The following YOD1 variants were observed in gnomAD, a reference collection of about 807,000 sequenced individuals.
YOD1 encodes the protein YOD1 deubiquitinase.
Under a neutral mutation model 23.7 loss-of-function variants are expected in YOD1, and 17 were observed. That is an observed-to-expected ratio of 0.72 (90% CI 0.49 to 1.07). The LOEUF (loss-of-function observed/expected upper bound fraction) is 1.07, where lower values mean the gene tolerates loss of function less well. Among genes scored for constraint, YOD1 ranks in the 50% least tolerant of loss-of-function variants. The probability of loss-of-function intolerance (pLI) is 0.00; values close to 1 mark genes in which losing one functional copy is unlikely to be tolerated. For synonymous variants in YOD1, 191 were observed against 169.6 expected (o/e 1.13, Z -0.98); for missense variants, 413 against 447.2 (o/e 0.92, Z 0.69).
chr1:207,052,134 G>A (rs954633069), upstream of YOD1: 51 of 1,553,868 alleles, frequency 3.3e-5, no homozygotes, highest in Non-Finnish European at 4.1e-5. Flanking sequence ...AGCATCAAAC[G>A]GGCCCGCTGG....
chr1:207,049,603 G>A lies in YOD1; in HGVS notation c.464C>T (p.Pro155Leu). 1 of 1,614,186 alleles carries A rather than the reference G, an allele frequency of 6.2e-7. No homozygotes were observed. Among genetic ancestry groups the A allele is most frequent in the Non-Finnish European group, 8.5e-7 (1 of 1,180,040 alleles). The change falls in exon 2 of 2, where the codon CCA becomes CTA. Residue 155 changes from proline (P) to leucine (L), a missense_variant. Physicochemically the swap from Pro to Leu is moderately conservative, Grantham distance 98. Coordinates refer to ENST00000315927, the MANE Select transcript of YOD1 (RefSeq NM_018566.4). ...TLPVLTRTVV[P>L]ADNSCLFTSV... is the part of the protein sequence containing the mutation. The stretch of plus-strand genomic sequence containing the variant: ...AGTAAAGAGGCAAGAGTTGTCTGCT[G>A]GGACCACGGTTCTGGTAAGCACAGG...
upstream of YOD1, among the ~76,000 whole-genome samples, chr1:207,051,308 TAGTG>T (rs1431410489): frequency 6.6e-6 from 1 of 152,102 alleles, no homozygotes; most frequent in Non-Finnish European, 1.5e-5. Flanking sequence ...ACCTTGCACT[TAGTG>T]AGGTCGGAAA....
In YOD1 at chr1:207,050,724, C is replaced by T. The variant is rs745733013; in HGVS notation, c.307G>A (p.Gly103Arg). The T allele has an allele frequency of 1.2e-6, 2 of 1,613,322 alleles. No individual in the cohort carries two copies. Among genetic ancestry groups the T allele is most frequent in the African/African-American group, 1.3e-5 (1 of 75,056 alleles). Residue 103 changes from glycine (G) to arginine (R), a missense_variant, in exon 1 of 2, where the codon GGG becomes AGG. By Grantham distance (125) the Gly-to-Arg change is moderately radical. Transcript: ENST00000315927. ...GGCAAGTCTTCCAGAATGGTATCCC[C>T]ATTGCTGAGATCCAGGCACTCGGGA... ...YPPECLDLSN[G>R]DTILEDLPIQ...
At chr1:207,052,383 C>G (rs1682775254), upstream of YOD1, 3 of 632,792 alleles carry the variant, frequency 4.7e-6, no homozygotes, top group Admixed American at 2.8e-5. Context: ...CCGGGGTGGC[C>G]GGGCGCAGTG....
rs1237738782 is a variant in YOD1, at chr1:207,045,690, G to A, written c.*3330C>T. On this transcript the variant is annotated 3_prime_UTR_variant, in exon 2 of 2. Coordinates refer to ENST00000315927, the MANE Select transcript of YOD1 (RefSeq NM_018566.4). ...ATGTAAGAAAACTATGTTTAGCTTA[G>A]GGCAACTTGCAACACCCACGTTTTA... is the stretch of plus-strand genomic sequence containing the variant. The A allele has an allele frequency of 6.6e-6, 1 of 151,778 alleles. No homozygotes were observed. The highest frequency in any genetic ancestry group is 1.9e-4 in the East Asian group (1 of 5,170). 9.4% of individuals were successfully genotyped at this position (151,778 alleles called of 1,614,324 possible).
chr1:207,049,106 T>G lies in YOD1; in HGVS notation c.961A>C (p.Met321Leu), dbSNP rs150517912. ...CCAGTTAATCCTTTCTGACATACCA[T>G]GCATCTCAGGGTGAAGCGGTTGACA... ...TDVNRFTLRC[M>L]VCQKGLTGQA... Residue 321 changes from methionine to leucine, a missense_variant, in exon 2 of 2, where the codon ATG becomes CTG. Transcript: ENST00000315927. 1.2e-6 allele frequency: 2 copies of G among 1,613,928 alleles called. No individual in the cohort carries two copies. The highest frequency in any genetic ancestry group is 2.7e-5 in the African/African-American group (2 of 74,888).
At position 207,051,136 on chromosome 1, in the gene YOD1, C is replaced by T. The variant is rs936212200; in HGVS notation, c.-106G>A. The T allele has an allele frequency of 2.8e-5, 40 of 1,421,948 alleles. No homozygotes were observed. The highest frequency in any genetic ancestry group is 1.0e-4 in the African/African-American group (7 of 68,990). The allele number at this position is 1,421,948 out of a possible 1,614,324, so 88.1% of individuals were successfully genotyped here. A position where few individuals can be genotyped will look rare whatever the true frequency, so the allele number is the denominator to read the frequency against. On this transcript the variant is annotated 5_prime_UTR_variant, in exon 1 of 2. Transcript: ENST00000315927. ...TTTTAAAGTGACAACTGATTTTTCC[C>T]CCACCCTCAGAACGAAGATGTAAAC...
At chr1:207,052,106 C>G (rs1370715133), upstream of YOD1, 8 of 1,263,850 alleles carry the variant, frequency 6.3e-6, no homozygotes, top group African/African-American at 7.4e-5. Flanking sequence ...GTCCCACTTG[C>G]CAAGAGTGGG....
At position 207,050,986 on chromosome 1, in the gene YOD1, C is replaced by A. The variant is rs1302703629; in HGVS notation, c.45G>T (p.Ala15=). The A allele has an allele frequency of 3.9e-6, 6 of 1,533,164 alleles. No individual in the cohort carries two copies. Among genetic ancestry groups the A allele is most frequent in the East Asian group, 2.5e-5 (1 of 40,794 alleles). The allele number at this position is 1,533,164 out of a possible 1,614,324, so 95.0% of individuals were successfully genotyped here. ...AKGRHFGVHP[A]PGFPGGVSQQ... ...GGGAGACGCCGCCGGGGAAACCAGG[C>A]GCCGGGTGGACTCCAAAATGGCGAC... Residue 15 remains alanine (A), a synonymous_variant, in exon 1 of 2, where the codon GCG becomes GCT. Transcript: ENST00000315927.
Position 207,046,612 on chromosome 1 carries a change from A to C in YOD1, c.*2408T>G, listed in dbSNP as rs947229395. 2 of 152,146 alleles carry C rather than the reference A, an allele frequency of 1.3e-5. No individual in the cohort carries two copies. Among genetic ancestry groups the C allele is most frequent in the African/African-American group, 4.8e-5 (2 of 41,458 alleles). The allele number at this position is 152,146 out of a possible 1,614,324, so 9.4% of individuals were successfully genotyped here. A position where few individuals can be genotyped will look rare whatever the true frequency, so the allele number is the denominator to read the frequency against. ...GGAATTTGACAGAGTATCAGTGTCCAACCGGTAAATGGACAACCTAGATAA... is the reference window on the plus strand; with the variant it reads ...GGAATTTGACAGAGTATCAGTGTCCCACCGGTAAATGGACAACCTAGATAA... On this transcript the variant is annotated 3_prime_UTR_variant, in exon 2 of 2. Coordinates refer to ENST00000315927, the MANE Select transcript of YOD1 (RefSeq NM_018566.4).
chr1:207,050,116 C>T (rs896159385), intron 1 of YOD1, among the ~76,000 whole-genome samples: 1 of 152,156 alleles, frequency 6.6e-6, no homozygotes, highest in African/African-American at 2.4e-5. Flanking sequence ...TTTACAACAT[C>T]CTTGATACAG....
Position 207,049,658 on chromosome 1 carries a change from C to T in YOD1, c.409G>A (p.Gly137Ser), listed in dbSNP as rs1372703172. ...PRSSPAFTKR[G>S]ASSYVRETLP... ...GTTTCCCTGACGTAACTAGAAGCAC[C>T]ACGTTTAGTAAATGCAGGTGAACTT... Residue 137 changes from glycine to serine, a missense_variant, in exon 2 of 2, where the codon GGT (glycine) becomes AGT (serine). Transcript: ENST00000315927. 4 of 1,614,166 alleles carry T rather than the reference C, an allele frequency of 2.5e-6. No homozygotes were observed. The South Asian group carries it at 4.4e-5, about 18-fold the overall frequency.
chr1:207,050,582 C>G (rs186192051), intron 1 of YOD1, 106 bp downstream of exon 1: 87 of 1,488,118 alleles, frequency 5.8e-5, no homozygotes, highest in East Asian at 2.3e-4. Context: ...GCCTCAAAGC[C>G]CCCCCGCCGA....
In YOD1 at chr1:207,050,792, G is replaced by A; in HGVS notation, c.239C>T (p.Thr80Ile). 1 of 1,613,468 alleles carries A rather than the reference G, an allele frequency of 6.2e-7. No homozygotes were observed. The highest frequency in any genetic ancestry group is 1.1e-5 in the South Asian group (1 of 91,086). ...TCGCTGACCGCCGGGGGCGATCCCG[G>A]TGATGGCGGCAATTTGGCCCTGGAG... ...RELQGQIAAI[T>I]GIAPGGQRIL... The change falls in exon 1 of 2, where the codon ACC becomes ATC. Residue 80 changes from threonine to isoleucine, a missense_variant. Transcript: ENST00000315927.
chr1:207,051,105 G>A lies in YOD1; in HGVS notation c.-75C>T, dbSNP rs1442657734. Reference sequence around the variant, plus strand: ...TCTGCCTTAGTACCTTAGCAAGCGCGAACTCTTTTAAAGTGACAACTGATT... The same window carrying A: ...TCTGCCTTAGTACCTTAGCAAGCGCAAACTCTTTTAAAGTGACAACTGATT... On this transcript the variant is annotated 5_prime_UTR_variant, in exon 1 of 2. Coordinates refer to ENST00000315927, the MANE Select transcript of YOD1 (RefSeq NM_018566.4). 1.3e-5 allele frequency: 19 copies of A among 1,434,146 alleles called. No individual in the cohort carries two copies. The highest frequency in any genetic ancestry group is 1.7e-5 in the Non-Finnish European group (19 of 1,098,822). 88.8% of individuals were successfully genotyped at this position (1,434,146 alleles called of 1,614,324 possible).
In YOD1 at chr1:207,051,097, G is replaced by C; in HGVS notation, c.-67C>G. 1.4e-6 allele frequency: 2 copies of C among 1,436,814 alleles called. No individual in the cohort carries two copies. Among genetic ancestry groups the C allele is most frequent in the Non-Finnish European group, 1.8e-6 (2 of 1,099,780 alleles). The allele number at this position is 1,436,814 out of a possible 1,614,324, so 89.0% of individuals were successfully genotyped here. A position where few individuals can be genotyped will look rare whatever the true frequency, so the allele number is the denominator to read the frequency against. On this transcript the variant is annotated 5_prime_UTR_variant, in exon 1 of 2. Transcript: ENST00000315927. ...GTGCGGCTTCTGCCTTAGTACCTTA[G>C]CAAGCGCGAACTCTTTTAAAGTGAC...
At chr1:207,051,832 C>T (rs939011253), upstream of YOD1, among the ~76,000 whole-genome samples, 4 of 152,152 alleles carry the variant, frequency 2.6e-5, no homozygotes, top group Admixed American at 6.5e-5. Flanking sequence ...ATGCCTAGAA[C>T]CCAGGACTGT....
upstream of YOD1, among the ~76,000 whole-genome samples, chr1:207,052,583 G>A (rs1481775664): frequency 6.6e-6 from 1 of 152,150 alleles, no homozygotes; most frequent in Non-Finnish European, 1.5e-5. Context: ...GAACACGGGA[G>A]GCAAAAGTTG....
Position 207,048,099 on chromosome 1 carries a change from C to A in YOD1, c.*921G>T, listed in dbSNP as rs1030040573. ...AAACTTTACGCAAATGAAGAAAAAA[C>A]TGAGGACTCGAATTTCAAGGAATTT... is the stretch of plus-strand genomic sequence containing the variant. On this transcript the variant is annotated 3_prime_UTR_variant, in exon 2 of 2. Transcript: ENST00000315927. 1 of 152,524 alleles carries A rather than the reference C, an allele frequency of 6.6e-6. No homozygotes were observed. Among genetic ancestry groups the A allele is most frequent in the South Asian group, 2.1e-4 (1 of 4,836 alleles). 9.4% of individuals were successfully genotyped at this position (152,524 alleles called of 1,614,324 possible).
Sources: allele counts gnomAD v4.1 joint callset (sites outside exome capture counted in the v4.1 genomes callset), GRCh38; gene constraint gnomAD v4.1.1; transcripts MANE v1.5; gene names NCBI Gene and HGNC (gene_info 2026-07-23, HGNC 2026-07-21).